The following KCTD11 variants were observed in gnomAD, a reference collection of about 807,000 sequenced individuals.
KCTD11 encodes the protein potassium channel tetramerization domain containing 11.
Under a neutral mutation model 10.7 loss-of-function variants are expected in KCTD11, and 8 were observed. The ratio of observed to expected loss-of-function variants is 0.74; its 90% CI spans 0.44 to 1.34. The LOEUF (loss-of-function observed/expected upper bound fraction) is 1.34, where lower values mean the gene tolerates loss of function less well. Ranked by LOEUF, KCTD11 falls within the 40% of genes most tolerant of loss-of-function variation. The pLI is 0.01. For synonymous variants in KCTD11, 153 were observed against 160.8 expected (o/e 0.95, Z 0.37); for missense variants, 346 against 356.1 (o/e 0.97, Z 0.23).
Position 7,353,385 on chromosome 17 carries a change from G to A in KCTD11, c.560G>A (p.Arg187Lys). The change falls in exon 1 of 1, where the codon AGG becomes AAG. Residue 187 changes from arginine (R) to lysine (K), a missense_variant. Physicochemically the swap from Arg to Lys is conservative, Grantham distance 26. Coordinates refer to ENST00000333751, the MANE Select transcript of KCTD11 (RefSeq NM_001363642.1). The surrounding 1 kb of genome is among the most constrained non-coding windows in gnomAD (Gnocchi z 4.9). ...CGATTTGGTGTGGCCAGTGGGGATA[G>A]GGCAGAGGGGAGCCCACATTTTCAT... is the stretch of plus-strand genomic sequence containing the variant. 1.2e-6 allele frequency: 2 copies of A among 1,613,852 alleles called. No homozygotes were observed. Among genetic ancestry groups the A allele is most frequent in the Non-Finnish European group, 1.7e-6 (2 of 1,180,022 alleles).
Position 7,352,852 on chromosome 17 carries a change from G to T in KCTD11, c.27G>T (p.Ser9=). The T allele has an allele frequency of 1.0e-6, 1 of 984,384 alleles. No homozygotes were observed. Among genetic ancestry groups the T allele is most frequent in the Non-Finnish European group, 1.5e-6 (1 of 658,986 alleles). The allele number at this position is 984,384 out of a possible 1,614,324, so 61.0% of individuals were successfully genotyped here. A position where few individuals can be genotyped will look rare whatever the true frequency, so the allele number is the denominator to read the frequency against. ...TTTCTCCTCCTCCTGTGCCCTCTTC[G>T]CCCCCCTCCTTTGGGGGCCCCGTGA... The change falls in exon 1 of 1, where the codon TCG becomes TCT. Residue 9 remains serine (S), a synonymous_variant. Transcript: ENST00000333751. This position sits in a 1 kb window ranked among gnomAD's most constrained non-coding sequence, Gnocchi z 4.5.
rs746903532 is a variant in KCTD11 at position 7,353,590 on chromosome 17, C to T, written c.765C>T (p.Pro255=). Residue 255 remains proline (P), a synonymous_variant, in exon 1 of 1, where the codon CCC becomes CCT. Transcript: ENST00000333751. This position sits in a 1 kb window ranked among gnomAD's most constrained non-coding sequence, Gnocchi z 4.9. ...GCTTCCGACTAGACTCTGTCTTCCCCGACCCCGAAGACCTGCTCAACTCCA... is the reference window on the plus strand; with the variant it reads ...GCTTCCGACTAGACTCTGTCTTCCCTGACCCCGAAGACCTGCTCAACTCCA... The T allele has an allele frequency of 7.2e-6, 11 of 1,532,778 alleles. No individual in the cohort carries two copies. The highest frequency in any genetic ancestry group is 4.1e-5 in the African/African-American group (3 of 72,394). 94.9% of individuals were successfully genotyped at this position (1,532,778 alleles called of 1,614,324 possible).
chr17:7,353,265 G>A lies in KCTD11; in HGVS notation c.440G>A (p.Gly147Glu). The change falls in exon 1 of 1, where the codon GGA becomes GAA. Residue 147 changes from glycine to glutamate, a missense_variant. By Grantham distance (98) the Gly-to-Glu change is moderately conservative (BLOSUM62 -2). Coordinates refer to ENST00000333751, the MANE Select transcript of KCTD11 (RefSeq NM_001363642.1). This position sits in a 1 kb window ranked among gnomAD's most constrained non-coding sequence, Gnocchi z 4.9. Reference sequence around the variant, plus strand: ...CTGGTGCACTTCTCTGCTCGCCGGGGACCCCATCACTATGAGCTGAGCTCC... The same window carrying A: ...CTGGTGCACTTCTCTGCTCGCCGGGAACCCCATCACTATGAGCTGAGCTCC... 1 of 1,613,926 alleles carries A rather than the reference G, an allele frequency of 6.2e-7. No individual in the cohort carries two copies. The highest frequency in any genetic ancestry group is 8.5e-7 in the Non-Finnish European group (1 of 1,180,054).
At position 7,353,664 on chromosome 17, in the gene KCTD11, G is replaced by A. The variant is rs1347368104; in HGVS notation, c.*23G>A. The A allele has an allele frequency of 1.3e-6, 2 of 1,509,888 alleles. No homozygotes were observed. Among genetic ancestry groups the A allele is most frequent in the Admixed American group, 2.3e-5 (1 of 43,972 alleles). The allele number at this position is 1,509,888 out of a possible 1,614,324, so 93.5% of individuals were successfully genotyped here. A position where few individuals can be genotyped will look rare whatever the true frequency, so the allele number is the denominator to read the frequency against. On this transcript the variant is annotated 3_prime_UTR_variant, in exon 1 of 1. Transcript: ENST00000333751. The surrounding 1 kb of genome is among the most constrained non-coding windows in gnomAD (Gnocchi z 4.9). ...TGAGGATGCTGTTCTCAGTTTGACT[G>A]TGGGGAGGAGAGAGAATGGGGTACT...
chr17:7,353,753 C>A lies in KCTD11; in HGVS notation c.*112C>A, dbSNP rs2073443039. On this transcript the variant is annotated 3_prime_UTR_variant, in exon 1 of 1. Transcript: ENST00000333751. The surrounding 1 kb of genome is among the most constrained non-coding windows in gnomAD (Gnocchi z 4.9). ...CTATGAGAGTCGGGACTCTCCTGCA[C>A]CTGACTGGAGCTCAGATGTGGGCAG... is the stretch of plus-strand genomic sequence containing the variant. 9.6e-7 allele frequency: 1 copy of A among 1,046,992 alleles called. No homozygotes were observed. The highest frequency in any genetic ancestry group is 2.0e-5 in the South Asian group (1 of 51,108). 64.9% of individuals were successfully genotyped at this position (1,046,992 alleles called of 1,614,324 possible).
In KCTD11 at chr17:7,354,615, A is replaced by C. The variant is rs1282201675; in HGVS notation, c.*974A>C. On this transcript the variant is annotated 3_prime_UTR_variant, in exon 1 of 1. Coordinates refer to ENST00000333751, the MANE Select transcript of KCTD11 (RefSeq NM_001363642.1). ...GCCAGGAGGGGCCTGTTGGGGTTTG[A>C]GTCACTGGGATCTTCCTGGTGAGAG... The C allele has an allele frequency of 6.0e-6, 1 of 167,602 alleles. No individual in the cohort carries two copies. The highest frequency in any genetic ancestry group is 1.5e-5 in the Non-Finnish European group (1 of 68,774). 10.4% of individuals were successfully genotyped at this position (167,602 alleles called of 1,614,324 possible).
Position 7,352,659 on chromosome 17 carries a change from C to G in KCTD11, c.-167C>G, listed in dbSNP as rs568785183. 8.0e-6 allele frequency: 4 copies of G among 502,414 alleles called. No homozygotes were observed. The highest frequency in any genetic ancestry group is 5.1e-4 in the Middle Eastern group (1 of 1,974). 31.1% of individuals were successfully genotyped at this position (502,414 alleles called of 1,614,324 possible). A position where few individuals can be genotyped will look rare whatever the true frequency, so the allele number is the denominator to read the frequency against. ...TTTTGGGGATTTCTGTGTCCTGACA[C>G]CACCTCCCCATCCACCACCAAAGTA... On this transcript the variant is annotated 5_prime_UTR_variant, in exon 1 of 1. Coordinates refer to ENST00000333751, the MANE Select transcript of KCTD11 (RefSeq NM_001363642.1). The surrounding 1 kb of genome is among the most constrained non-coding windows in gnomAD (Gnocchi z 4.5).
At position 7,353,382 on chromosome 17, in the gene KCTD11, A is replaced by G. The variant is rs1201383664; in HGVS notation, c.557A>G (p.Asp186Gly). 1 of 1,613,802 alleles carries G rather than the reference A, an allele frequency of 6.2e-7. No individual in the cohort carries two copies. ...GCCCGATTTGGTGTGGCCAGTGGGG[A>G]TAGGGCAGAGGGGAGCCCACATTTT... Residue 186 changes from aspartate to glycine, a missense_variant, in exon 1 of 1, where the codon GAT (aspartate) becomes GGT (glycine). Asp to Gly is a moderately conservative substitution (Grantham distance 94). Transcript: ENST00000333751. This position sits in a 1 kb window ranked among gnomAD's most constrained non-coding sequence, Gnocchi z 4.9.
chr17:7,353,351 T>C lies in KCTD11; in HGVS notation c.526T>C (p.Leu176=). Residue 176 remains leucine (L), a synonymous_variant, in exon 1 of 1, where the codon TTG becomes CTG. Coordinates refer to ENST00000333751, the MANE Select transcript of KCTD11 (RefSeq NM_001363642.1). The surrounding 1 kb of genome is among the most constrained non-coding windows in gnomAD (Gnocchi z 4.9). ...CACCGACTCTGAGTGTCTAGGTGCT[T>C]TGCGGGCCCGATTTGGTGTGGCCAG... 1 of 1,614,086 alleles carries C rather than the reference T, an allele frequency of 6.2e-7. No individual in the cohort carries two copies. Among genetic ancestry groups the C allele is most frequent in the Non-Finnish European group, 8.5e-7 (1 of 1,180,004 alleles).
Position 7,353,581 on chromosome 17 carries a change from T to C in KCTD11, c.756T>C (p.Ser252=). The C allele has an allele frequency of 6.5e-7, 1 of 1,536,860 alleles. No individual in the cohort carries two copies. Among genetic ancestry groups the C allele is most frequent in the Non-Finnish European group, 8.8e-7 (1 of 1,141,666 alleles). The change falls in exon 1 of 1, where the codon TCT becomes TCC. Residue 252 remains serine, a synonymous_variant. Transcript: ENST00000333751. The surrounding 1 kb of genome is among the most constrained non-coding windows in gnomAD (Gnocchi z 4.9). Reference sequence around the variant, plus strand: ...TCGAGCACGGCTTCCGACTAGACTCTGTCTTCCCCGACCCCGAAGACCTGC... The same window carrying C: ...TCGAGCACGGCTTCCGACTAGACTCCGTCTTCCCCGACCCCGAAGACCTGC...
Position 7,353,653 on chromosome 17 carries a change from T to G in KCTD11, c.*12T>G. Reference sequence around the variant, plus strand: ...TTGTCCGGCACTGAGGATGCTGTTCTCAGTTTGACTGTGGGGAGGAGAGAG... The same window carrying G: ...TTGTCCGGCACTGAGGATGCTGTTCGCAGTTTGACTGTGGGGAGGAGAGAG... On this transcript the variant is annotated 3_prime_UTR_variant, in exon 1 of 1. Transcript: ENST00000333751. This position sits in a 1 kb window ranked among gnomAD's most constrained non-coding sequence, Gnocchi z 4.9. The G allele has an allele frequency of 6.6e-7, 1 of 1,512,710 alleles. No homozygotes were observed. The highest frequency in any genetic ancestry group is 8.8e-7 in the Non-Finnish European group (1 of 1,131,660). The allele number at this position is 1,512,710 out of a possible 1,614,324, so 93.7% of individuals were successfully genotyped here. A position where few individuals can be genotyped will look rare whatever the true frequency, so the allele number is the denominator to read the frequency against.
chr17:7,352,641 G>T lies in KCTD11; in HGVS notation c.-185G>T. The T allele has an allele frequency of 2.1e-6, 1 of 479,132 alleles. No homozygotes were observed. Among genetic ancestry groups the T allele is most frequent in the Non-Finnish European group, 3.7e-6 (1 of 272,146 alleles). The allele number at this position is 479,132 out of a possible 1,614,324, so 29.7% of individuals were successfully genotyped here. A position where few individuals can be genotyped will look rare whatever the true frequency, so the allele number is the denominator to read the frequency against. Reference sequence around the variant, plus strand: ...TCATCTCTTCTCTCAACCTTTTGGGGATTTCTGTGTCCTGACACCACCTCC... The same window carrying T: ...TCATCTCTTCTCTCAACCTTTTGGGTATTTCTGTGTCCTGACACCACCTCC... On this transcript the variant is annotated 5_prime_UTR_variant, in exon 1 of 1. Coordinates refer to ENST00000333751, the MANE Select transcript of KCTD11 (RefSeq NM_001363642.1). The surrounding 1 kb of genome is among the most constrained non-coding windows in gnomAD (Gnocchi z 4.5).
chr17:7,353,397 G>A lies in KCTD11; in HGVS notation c.572G>A (p.Ser191Asn). 2 of 1,613,572 alleles carry A rather than the reference G, an allele frequency of 1.2e-6. No homozygotes were observed. Among genetic ancestry groups the A allele is most frequent in the Non-Finnish European group, 1.7e-6 (2 of 1,180,012 alleles). The change falls in exon 1 of 1, where the codon AGC becomes AAC. Residue 191 changes from serine (S) to asparagine (N), a missense_variant. Physicochemically the swap from Ser to Asn is conservative, Grantham distance 46. Coordinates refer to ENST00000333751, the MANE Select transcript of KCTD11 (RefSeq NM_001363642.1). This position sits in a 1 kb window ranked among gnomAD's most constrained non-coding sequence, Gnocchi z 4.9. ...GCCAGTGGGGATAGGGCAGAGGGGA[G>A]CCCACATTTTCATCTGGAGTGGGCC...
In KCTD11 at chr17:7,353,205, C is replaced by T. The variant is rs1466963048; in HGVS notation, c.380C>T (p.Ala127Val). 1.9e-6 allele frequency: 3 copies of T among 1,613,378 alleles called. No homozygotes were observed. Among genetic ancestry groups the T allele is most frequent in the Non-Finnish European group, 2.5e-6 (3 of 1,180,044 alleles). ...CAGGGGACCCCTGCACCCACAGCTG[C>T]CCTGCTCCACGCAGATGTAGATGTC... Residue 127 changes from alanine to valine, a missense_variant, in exon 1 of 1, where the codon GCC becomes GTC. Physicochemically the swap from Ala to Val is moderately conservative, Grantham distance 64 (BLOSUM62 0). Coordinates refer to ENST00000333751, the MANE Select transcript of KCTD11 (RefSeq NM_001363642.1). The surrounding 1 kb of genome is among the most constrained non-coding windows in gnomAD (Gnocchi z 4.9).
rs929453082 is a variant in KCTD11, at chr17:7,352,576, C to T, written c.-250C>T. 6 of 432,806 alleles carry T rather than the reference C, an allele frequency of 1.4e-5. No individual in the cohort carries two copies. The highest frequency in any genetic ancestry group is 1.3e-4 in the South Asian group (2 of 15,416). 26.8% of individuals were successfully genotyped at this position (432,806 alleles called of 1,614,324 possible). A position where few individuals can be genotyped will look rare whatever the true frequency, so the allele number is the denominator to read the frequency against. ...CACCCCAAATCGGATACGTCCAGAC[C>T]TCAAGCTCCCTTCCCCTCTCTGGCT... On this transcript the variant is annotated 5_prime_UTR_variant, in exon 1 of 1. Transcript: ENST00000333751. This position sits in a 1 kb window ranked among gnomAD's most constrained non-coding sequence, Gnocchi z 4.5.
Position 7,353,248 on chromosome 17 carries a change from C to T in KCTD11, c.423C>T (p.His141=), listed in dbSNP as rs564958464. Residue 141 remains histidine (H), a synonymous_variant, in exon 1 of 1, where the codon CAC becomes CAT. Coordinates refer to ENST00000333751, the MANE Select transcript of KCTD11 (RefSeq NM_001363642.1). This position sits in a 1 kb window ranked among gnomAD's most constrained non-coding sequence, Gnocchi z 4.9. ...TAGATGTCAGCCCCCGCCTGGTGCA[C>T]TTCTCTGCTCGCCGGGGACCCCATC... 12 of 1,613,860 alleles carry T rather than the reference C, an allele frequency of 7.4e-6. No individual in the cohort carries two copies. The highest frequency in any genetic ancestry group is 6.7e-5 in the African/African-American group (5 of 75,080).
chr17:7,353,386 G>A lies in KCTD11; in HGVS notation c.561G>A (p.Arg187=). ...GATTTGGTGTGGCCAGTGGGGATAGGGCAGAGGGGAGCCCACATTTTCATC... is the reference window on the plus strand; with the variant it reads ...GATTTGGTGTGGCCAGTGGGGATAGAGCAGAGGGGAGCCCACATTTTCATC... The change falls in exon 1 of 1, where the codon AGG becomes AGA. Residue 187 remains arginine, a synonymous_variant. Coordinates refer to ENST00000333751, the MANE Select transcript of KCTD11 (RefSeq NM_001363642.1). This position sits in a 1 kb window ranked among gnomAD's most constrained non-coding sequence, Gnocchi z 4.9. 1 of 1,613,844 alleles carries A rather than the reference G, an allele frequency of 6.2e-7. No homozygotes were observed. Among genetic ancestry groups the A allele is most frequent in the Non-Finnish European group, 8.5e-7 (1 of 1,180,024 alleles).
chr17:7,353,426 C>G lies in KCTD11; in HGVS notation c.601C>G (p.Arg201Gly). The change falls in exon 1 of 1, where the codon CGC becomes GGC. Residue 201 changes from arginine to glycine, a missense_variant. Coordinates refer to ENST00000333751, the MANE Select transcript of KCTD11 (RefSeq NM_001363642.1). The surrounding 1 kb of genome is among the most constrained non-coding windows in gnomAD (Gnocchi z 4.9). Reference sequence around the variant, plus strand: ...ACATTTTCATCTGGAGTGGGCCCCCCGCCCCGTGGAACTCCCCGAGGTGGA... The same window carrying G: ...ACATTTTCATCTGGAGTGGGCCCCCGGCCCCGTGGAACTCCCCGAGGTGGA... The G allele has an allele frequency of 6.2e-7, 1 of 1,612,810 alleles. No homozygotes were observed. The highest frequency in any genetic ancestry group is 8.5e-7 in the Non-Finnish European group (1 of 1,180,002).
Position 7,354,647 on chromosome 17 carries a change from G to A in KCTD11, c.*1006G>A, listed in dbSNP as rs2073457593. On this transcript the variant is annotated 3_prime_UTR_variant, in exon 1 of 1. Transcript: ENST00000333751. Reference sequence around the variant, plus strand: ...GGGATCTTCCTGGTGAGAGGTAAGAGAAGTCACTGGGCTTAGCTGGGCCTC... The same window carrying A: ...GGGATCTTCCTGGTGAGAGGTAAGAAAAGTCACTGGGCTTAGCTGGGCCTC... 1 of 167,930 alleles carries A rather than the reference G, an allele frequency of 6.0e-6. No homozygotes were observed. Among genetic ancestry groups the A allele is most frequent in the Admixed American group, 6.5e-5 (1 of 15,288 alleles). The allele number at this position is 167,930 out of a possible 1,614,324, so 10.4% of individuals were successfully genotyped here.
Sources: allele counts gnomAD v4.1 joint callset, GRCh38; gene constraint gnomAD v4.1.1; non-coding constraint Gnocchi (gnomAD v3.1); transcripts MANE v1.5; gene names NCBI Gene and HGNC (gene_info 2026-07-23, HGNC 2026-07-21).